CAMTA1: variants seen among roughly 807,000 people sequenced by gnomAD.
CAMTA1 encodes the protein calmodulin-binding transcription activator 1.
CAMTA1 carries 27 observed loss-of-function variants against 170.9 expected under a neutral mutation model. The ratio of observed to expected loss-of-function variants is 0.16; its 90% CI spans 0.12 to 0.22. CAMTA1 has a LOEUF of 0.22. Among genes scored for constraint, CAMTA1 ranks in the 10% least tolerant of loss-of-function variants. The pLI, the probability that CAMTA1 is intolerant of heterozygous loss-of-function variation, is 1.00. For missense variants in CAMTA1, 1,619 were observed against 2,217.2 expected, an observed-to-expected ratio of 0.73 and a Z score of 5.42; for synonymous variants, 833 against 891.5, an observed-to-expected ratio of 0.93 and a Z score of 1.17.
chr1:7,654,231 C>T (rs963943958), intron 7 of CAMTA1, among the ~76,000 whole-genome samples: 1 of 151,582 alleles, frequency 6.6e-6, no homozygotes, highest in Non-Finnish European at 1.5e-5. Flanking sequence ...AAATACAAAA[C>T]TTAGCCAGGC....
chr1:7,253,161 C>T (rs765752176), intron 5 of CAMTA1, among the ~76,000 whole-genome samples: 22 of 152,200 alleles, frequency 1.4e-4, no homozygotes, highest in Non-Finnish European at 2.6e-4. Flanking sequence ...GTTGGCCCTG[C>T]ACCCCATACA....
In CAMTA1 at chr1:7,195,913, G is replaced by A. The variant is rs1300528019; in HGVS notation, c.303-53578G>A. Among the ~76,000 whole-genome samples the A allele has an allele frequency of 1.3e-5, 2 of 152,202 alleles. No homozygotes were observed. The highest frequency in any genetic ancestry group is 3.9e-4 in the East Asian group (2 of 5,190). ...ACATGCCTGTAGTCCCAGCTCTTAG[G>A]AGGCTGAGGCAGGAGAATCACTTGA... On this transcript the variant is annotated intron_variant, in intron 4 of 22. Coordinates refer to ENST00000303635, the MANE Select transcript of CAMTA1 (RefSeq NM_015215.4). The surrounding 1 kb of genome is among the most constrained non-coding windows in gnomAD (Gnocchi z 4.1).
At chr1:7,121,618 G>T (rs908637942) in intron 4 of CAMTA1, among the ~76,000 whole-genome samples, 2 of 152,208 alleles carry the variant, frequency 1.3e-5, no homozygotes, top group African/African-American at 4.8e-5. Context: ...CTATGGGGAG[G>T]TCAGATCACC....
intron 3 of CAMTA1, among the ~76,000 whole-genome samples, chr1:7,027,717 A>C (rs565166919): frequency 1.3e-5 from 2 of 152,296 alleles, no homozygotes; most frequent in East Asian, 3.9e-4. Flanking sequence ...GGATAGATTT[A>C]GTCTGACAGT....
In CAMTA1 at chr1:6,918,912, G is replaced by A. The variant is rs1029018369; in HGVS notation, c.234+93702G>A. On this transcript the variant is annotated intron_variant, in intron 3 of 22. Coordinates refer to ENST00000303635, the MANE Select transcript of CAMTA1 (RefSeq NM_015215.4). This position sits in a 1 kb window ranked among gnomAD's most constrained non-coding sequence, Gnocchi z 4.0. ...TGGCCTCAAATTCAAGGGTGTGGCC[G>A]CTCCAAAGGCACCACAGGCCACAGA... Among the ~76,000 whole-genome samples, 3 of 152,252 alleles carry A rather than the reference G, an allele frequency of 2.0e-5. No individual in the cohort carries two copies. The highest frequency in any genetic ancestry group is 3.9e-4 in the East Asian group (2 of 5,166).
At chr1:7,109,659 C>A (rs993433111) in intron 4 of CAMTA1, among the ~76,000 whole-genome samples, 1 of 152,216 alleles carries the variant, frequency 6.6e-6, no homozygotes, top group African/African-American at 2.4e-5. Context: ...GTGCAATCTG[C>A]AAAGAGACAT....
chr1:7,120,540 C>T (rs551917648), intron 4 of CAMTA1, among the ~76,000 whole-genome samples: 9 of 152,210 alleles, frequency 5.9e-5, no homozygotes, highest in Non-Finnish European at 1.3e-4. Context: ...CGTATGTGAA[C>T]AAATCACAGA....
intron 5 of CAMTA1, among the ~76,000 whole-genome samples, chr1:7,381,556 G>A (rs1448571109): frequency 6.6e-6 from 1 of 151,264 alleles, no homozygotes; most frequent in East Asian, 1.9e-4. Flanking sequence ...GTCTATCATT[G>A]TTGGACATTT....
In CAMTA1 at chr1:7,167,817, T is replaced by C. The variant is rs145356420; in HGVS notation, c.302+76446T>C. On this transcript the variant is annotated intron_variant, in intron 4 of 22. Transcript: ENST00000303635. ...AGTCTGGAATGCAGTGGGGTAATCA[T>C]AGCTCACTGCAGCCTCGAATTCCTA... Among the ~76,000 whole-genome samples, 32 of 152,242 alleles carry C rather than the reference T, an allele frequency of 2.1e-4. No homozygotes were observed. The East Asian group carries it at 5.8e-3, about 28-fold the overall frequency.
At chr1:7,705,300 G>A (rs1411729394) in intron 11 of CAMTA1, among the ~76,000 whole-genome samples, 1 of 150,904 alleles carries the variant, frequency 6.6e-6, no homozygotes, top group Admixed American at 6.6e-5. Flanking sequence ...TGCCGCGAGG[G>A]TGTGTCGACG....
chr1:7,752,520 C>T lies in CAMTA1; in HGVS notation c.4945C>T (p.Arg1649Cys), dbSNP rs754367325. The T allele has an allele frequency of 1.2e-5, 20 of 1,607,724 alleles. No homozygotes were observed. Among genetic ancestry groups the T allele is most frequent in the African/African-American group, 2.7e-5 (2 of 74,834 alleles). ...TCGAAAAATAATGAGGTTTCTTCGC[C>T]GCTGTCGCCACAGGTACACTAGTCC... The part of the protein sequence containing the change: ...AARKIMRFLR[R>C]CRHSPLVDHR... The change falls in exon 21 of 23, where the codon CGC becomes TGC. Residue 1649 changes from arginine to cysteine, a missense_variant. Physicochemically the swap from Arg to Cys is radical, Grantham distance 180. Transcript: ENST00000303635.
chr1:7,270,996 A>G lies in CAMTA1; in HGVS notation c.438+21370A>G, dbSNP rs113865742. On this transcript the variant is annotated intron_variant, in intron 5 of 22. Coordinates refer to ENST00000303635, the MANE Select transcript of CAMTA1 (RefSeq NM_015215.4). The stretch of plus-strand genomic sequence containing the variant: ...TTTATATGCAAGAAGTTAGAAAAAG[A>G]AAATGAAACCCAAAATCATCCAGGG... Among the ~76,000 whole-genome samples, 788 of 152,342 alleles carry G rather than the reference A, an allele frequency of 5.2e-3. 7 individuals carry two copies. The highest frequency in any genetic ancestry group is 0.018 in the African/African-American group (734 of 41,578).
In CAMTA1 at chr1:7,144,150, G is replaced by A. The variant is rs950742988; in HGVS notation, c.302+52779G>A. ...GAGGCTGGAAGTCTGAGATCAGGGT[G>A]CCAGCATGGCCAGGTTCTGGTGAGG... On this transcript the variant is annotated intron_variant, in intron 4 of 22. Coordinates refer to ENST00000303635, the MANE Select transcript of CAMTA1 (RefSeq NM_015215.4). The surrounding 1 kb of genome is among the most constrained non-coding windows in gnomAD (Gnocchi z 4.0). Among the ~76,000 whole-genome samples the A allele has an allele frequency of 6.6e-6, 1 of 152,186 alleles. No homozygotes were observed. Among genetic ancestry groups the A allele is most frequent in the African/African-American group, 2.4e-5 (1 of 41,426 alleles).
chr1:7,262,287 C>T (rs1319003750), intron 5 of CAMTA1, among the ~76,000 whole-genome samples: 2 of 152,038 alleles, frequency 1.3e-5, no homozygotes, highest in African/African-American at 4.8e-5. Flanking sequence ...ATGGGCCGGG[C>T]GCGGTGGCTC....
At position 7,736,461 on chromosome 1, in the gene CAMTA1, A is replaced by G; in HGVS notation, c.3184A>G (p.Thr1062Ala). The G allele has an allele frequency of 6.2e-7, 1 of 1,614,050 alleles. No homozygotes were observed. Among genetic ancestry groups the G allele is most frequent in the East Asian group, 2.2e-5 (1 of 44,842 alleles). ...AKSKHLIHSK[T>A]FRGMTLLHLA... ...GTCCAAGCACTTGATCCACTCAAAG[A>G]CTTTCCGCGGAATGACCCTACTCCA... The change falls in exon 13 of 23, where the codon ACT (threonine) becomes GCT (alanine). Residue 1062 changes from threonine (T) to alanine (A), a missense_variant. Transcript: ENST00000303635. This position sits in a 1 kb window ranked among gnomAD's most constrained non-coding sequence, Gnocchi z 4.5.
chr1:6,788,808 A>G (rs987233957), intron 1 of CAMTA1, among the ~76,000 whole-genome samples: 10 of 152,082 alleles, frequency 6.6e-5, no homozygotes, highest in African/African-American at 2.2e-4. Flanking sequence ...TTATTGTCTG[A>G]AGCTGGGCCC....
At chr1:7,178,196 G>A (rs910404768) in intron 4 of CAMTA1, among the ~76,000 whole-genome samples, 1 of 152,182 alleles carries the variant, frequency 6.6e-6, no homozygotes, top group Non-Finnish European at 1.5e-5. Context: ...TCTGTGCTCA[G>A]GGCTGCCAGA....
rs113576014 is a variant in CAMTA1, at chr1:7,625,006, G to C, written c.511-15394G>C. Among the ~76,000 whole-genome samples the C allele has an allele frequency of 9.7e-4, 148 of 152,352 alleles. 1 individual carries two copies. Among genetic ancestry groups the C allele is most frequent in the African/African-American group, 3.4e-3 (142 of 41,582 alleles). On this transcript the variant is annotated intron_variant, in intron 6 of 22. Transcript: ENST00000303635. ...CGTGGGCAGGGCCAGTGGCAGAGCA[G>C]GCTGAATGGTCTGGTTGACTGAGCC...
chr1:7,542,075 G>A (rs1387766244), intron 6 of CAMTA1, among the ~76,000 whole-genome samples: 1 of 151,940 alleles, frequency 6.6e-6, no homozygotes, highest in East Asian at 1.9e-4. Flanking sequence ...AATTACAAAG[G>A]CAAACAGGCT....
Sources: allele counts gnomAD v4.1 joint callset (sites outside exome capture counted in the v4.1 genomes callset), GRCh38; gene constraint gnomAD v4.1.1; non-coding constraint Gnocchi (gnomAD v3.1); transcripts MANE v1.5; gene names NCBI Gene and HGNC (gene_info 2026-07-23, HGNC 2026-07-21).